LRRC9: variants seen among roughly 807,000 people sequenced by gnomAD.
LRRC9 encodes leucine rich repeat containing 9.
A neutral mutation model predicts 63.2 loss-of-function variants in LRRC9; 122 were observed. The ratio of observed to expected loss-of-function variants is 1.93; its 90% confidence interval spans 1.67 to 2.24. LRRC9 has a LOEUF of 2.24. Ranked by LOEUF, LRRC9 falls within the 30% of genes most tolerant of loss-of-function variation. LRRC9 has a pLI of 0.00. For synonymous variants in LRRC9, 366 were observed against 213.1 expected, an observed-to-expected ratio of 1.72 and a Z score of -6.25; for missense variants, 1,071 against 627.7, an observed-to-expected ratio of 1.71 and a Z score of -7.55.
At chr14:59,988,506 AGAT>A (rs1448525774) in intron 17 of LRRC9, among the ~76,000 whole-genome samples, 1 of 152,220 alleles carries the variant, frequency 6.6e-6, no homozygotes, top group Non-Finnish European at 1.5e-5. Flanking sequence ...TAAGGATACA[AGAT>A]GATAGAATAT....
chr14:59,937,188 T>C (rs530043335), intron 6 of LRRC9, among the ~76,000 whole-genome samples: 133 of 146,302 alleles, frequency 9.1e-4, no homozygotes, highest in African/African-American at 3.3e-3. Flanking sequence ...TTAGCAAATG[T>C]TTTCTGTAAA....
At chr14:60,019,369 T>C (rs1214685395) in intron 26 of LRRC9, 109 bp downstream of exon 26, 3 of 474,448 alleles carry the variant, frequency 6.3e-6, no homozygotes, top group Non-Finnish European at 1.1e-5. Context: ...AAATTTAGCT[T>C]ATTGTAATAC....
intron 29 of LRRC9, among the ~76,000 whole-genome samples, chr14:60,052,088 A>T (rs1013592009): frequency 6.6e-6 from 1 of 152,164 alleles, no homozygotes; most frequent in Non-Finnish European, 1.5e-5. Context: ...CCTCTCTGGG[A>T]GTGCTGCAGA....
rs1473641780 is a variant in LRRC9 at position 60,053,393 on chromosome 14, A to T, written c.4131+188A>T. ...ATAGAGCATGCGTGCTCACACACAC[A>T]CACACACACACACACACACACACAC... On this transcript the variant is annotated intron_variant, in intron 30 of 31. Coordinates refer to ENST00000445360, the Ensembl canonical transcript of LRRC9. The surrounding 1 kb of genome is among the most constrained non-coding windows in gnomAD (Gnocchi z 4.8). Among the ~76,000 whole-genome samples the T allele has an allele frequency of 3.4e-5, 2 of 59,672 alleles. No homozygotes were observed. Among genetic ancestry groups the T allele is most frequent in the Non-Finnish European group, 1.2e-4 (2 of 16,982 alleles). The allele number at this position is 59,672 out of a possible 152,430, so 39.1% of individuals were successfully genotyped here.
intron 19 of LRRC9, among the ~76,000 whole-genome samples, chr14:59,999,967 G>C (rs902781690): frequency 6.6e-6 from 1 of 151,924 alleles, no homozygotes; most frequent in South Asian, 2.1e-4. Context: ...AAAATTAATT[G>C]TTCTACTAAA....
chr14:60,016,666 T>A (rs1314499083), exon 24 of LRRC9: 1 of 698,134 alleles, frequency 1.4e-6, no homozygotes, highest in Non-Finnish European at 2.6e-6. Flanking sequence ...ATAGGAACCA[T>A]CAGAGACTGA....
At position 60,004,547 on chromosome 14, in the gene LRRC9, TA is replaced by T. The variant is rs965416036; in HGVS notation, c.2842+755del. 2.6e-5 allele frequency among the ~76,000 whole-genome samples: 4 copies of T among 151,994 alleles called. No individual in the cohort carries two copies. Among genetic ancestry groups the T allele is most frequent in the South Asian group, 2.1e-4 (1 of 4,830 alleles). On this transcript the variant is annotated intron_variant, in intron 21 of 31. Coordinates refer to ENST00000445360, the Ensembl canonical transcript of LRRC9. This position sits in a 1 kb window ranked among gnomAD's most constrained non-coding sequence, Gnocchi z 4.8. ...ACATATTTTTCTGAACCAGAGAGAA[TA>T]AAAAAGACTTTTCCTCCCTTTCCCC...
intron 25 of LRRC9, among the ~76,000 whole-genome samples, 182 bp downstream of exon 25, chr14:60,018,661 G>C (rs1890886241): frequency 6.6e-6 from 1 of 151,018 alleles, no homozygotes; most frequent in South Asian, 2.1e-4. Context: ...ATTTTGGTTT[G>C]ACCTCAGTTT....
downstream of LRRC9, among the ~76,000 whole-genome samples, chr14:60,064,313 C>T (rs1182074178): frequency 2.0e-5 from 3 of 152,120 alleles, no homozygotes; most frequent in Non-Finnish European, 4.4e-5. Flanking sequence ...AAATGAGCTC[C>T]ATCATTCATG....
intron 26 of LRRC9, among the ~76,000 whole-genome samples, chr14:60,020,796 A>G (rs530453762): frequency 6.6e-6 from 1 of 152,056 alleles, no homozygotes; most frequent in South Asian, 2.1e-4. Context: ...GGCATGTGTT[A>G]GTAGTTCCCT....
At chr14:59,963,359 T>C (rs1003995190) in intron 10 of LRRC9, among the ~76,000 whole-genome samples, 27 of 152,268 alleles carry the variant, frequency 1.8e-4, no homozygotes, top group Admixed American at 1.4e-3. Flanking sequence ...CCTTTATTAT[T>C]ATAGATTTGT....
rs1342522436 is a variant in LRRC9 at position 60,058,689 on chromosome 14, C to T, written c.4276+667C>T. On this transcript the variant is annotated intron_variant, in intron 31 of 31. Coordinates refer to ENST00000445360, the Ensembl canonical transcript of LRRC9. The surrounding 1 kb of genome is among the most constrained non-coding windows in gnomAD (Gnocchi z 4.4). ...GGTAAGTACTCCTTCTCTGAGGGCTCACCTCTTCCAGTCCTTCTGACTTCC... is the reference window on the plus strand; with the variant it reads ...GGTAAGTACTCCTTCTCTGAGGGCTTACCTCTTCCAGTCCTTCTGACTTCC... Among the ~76,000 whole-genome samples the T allele has an allele frequency of 1.3e-5, 2 of 152,106 alleles. No homozygotes were observed. The highest frequency in any genetic ancestry group is 2.1e-4 in the South Asian group (1 of 4,818).
Position 59,957,733 on chromosome 14 carries a change from G to C in LRRC9, c.883-2085G>C, listed in dbSNP as rs143844027. On this transcript the variant is annotated intron_variant, in intron 8 of 31. Transcript: ENST00000445360. ...CATTCTGGTTTTTGGAATTTTCAGC[G>C]TTTTTGTGCTGGTTTTTCCTCATCT... Among the ~76,000 whole-genome samples, 49 of 152,196 alleles carry C rather than the reference G, an allele frequency of 3.2e-4. No individual in the cohort carries two copies. The East Asian group carries it at 8.5e-3, about 26-fold the overall frequency.
intron 29 of LRRC9, 128 bp downstream of exon 29, chr14:60,032,191 AT>A (rs1182568967): frequency 1.1e-5 from 6 of 559,846 alleles, no homozygotes; most frequent in Non-Finnish European, 1.9e-5. Context: ...CCCAGCCCAA[AT>A]TTATTGACTT....
chr14:60,058,060 C>T lies in LRRC9; in HGVS notation c.4276+38C>T. On this transcript the variant is annotated intron_variant, in intron 31 of 31. Coordinates refer to ENST00000445360, the Ensembl canonical transcript of LRRC9. This position sits in a 1 kb window ranked among gnomAD's most constrained non-coding sequence, Gnocchi z 4.4. ...TTTCAGATAGAATGTAAAAGAATCACTTAATTTGAAATAAAAATATCACTT... is the reference window on the plus strand; with the variant it reads ...TTTCAGATAGAATGTAAAAGAATCATTTAATTTGAAATAAAAATATCACTT... The T allele has an allele frequency of 1.9e-6, 1 of 516,242 alleles. No individual in the cohort carries two copies. Among genetic ancestry groups the T allele is most frequent in the South Asian group, 3.1e-5 (1 of 32,072 alleles). 32.0% of individuals were successfully genotyped at this position (516,242 alleles called of 1,614,324 possible).
intron 17 of LRRC9, among the ~76,000 whole-genome samples, 199 bp from the exon 18 acceptor site, chr14:59,997,457 G>A (rs975171296): frequency 6.6e-6 from 1 of 152,074 alleles, no homozygotes; most frequent in African/African-American, 2.4e-5. Context: ...TGAATTGAAA[G>A]AGAATTACTA....
intron 5 of LRRC9, 75 bp downstream of exon 5, chr14:59,931,757 A>G (rs566189767): frequency 1.3e-5 from 8 of 627,946 alleles, no homozygotes; most frequent in African/African-American, 5.6e-5. Context: ...ACATGCTTAG[A>G]TTTTTTTTCT....
intron 30 of LRRC9, among the ~76,000 whole-genome samples, chr14:60,056,795 G>A (rs965210351): frequency 1.3e-5 from 2 of 152,102 alleles, no homozygotes; most frequent in Non-Finnish European, 2.9e-5. Context: ...AGCTGTTCAG[G>A]AGACTCAAGT....
At chr14:60,054,286 T>G (rs981409561) in intron 30 of LRRC9, among the ~76,000 whole-genome samples, 4 of 152,178 alleles carry the variant, frequency 2.6e-5, no homozygotes, top group African/African-American at 9.7e-5. Context: ...GTTCTTGTTA[T>G]TTTAAATAAA....
Sources: allele counts gnomAD v4.1 joint callset (sites outside exome capture counted in the v4.1 genomes callset), GRCh38; gene constraint gnomAD v4.1.1; non-coding constraint Gnocchi (gnomAD v3.1); transcripts MANE v1.5; gene names NCBI Gene and HGNC (gene_info 2026-07-23, HGNC 2026-07-21).